The following MAGI1 variants were observed in gnomAD, a reference collection of about 807,000 sequenced individuals.
MAGI1 encodes the protein membrane associated guanylate kinase, WW and PDZ domain containing 1, also known as membrane-associated guanylate kinase, WW and PDZ domain-containing protein 1.
A neutral mutation model predicts 139.9 loss-of-function variants in MAGI1; 58 were observed. The observed-to-expected ratio is 0.41, with a 90% confidence interval of 0.34 to 0.52. MAGI1 has a LOEUF of 0.52. MAGI1 is among the 20% of genes least tolerant of loss of function. The pLI, the probability that MAGI1 is intolerant of heterozygous loss-of-function variation, is 0.12. For missense variants in MAGI1, 1,874 were observed against 1,901.6 expected (o/e 0.99, Z 0.27); for synonymous variants, 812 against 737.9 (o/e 1.10, Z -1.63).
chr3:65,959,917 T>C (rs1045388176), intron 1 of MAGI1, among the ~76,000 whole-genome samples: 2 of 144,736 alleles, frequency 1.4e-5, no homozygotes, highest in Admixed American at 1.4e-4. Context: ...ACCATTCTCC[T>C]GCCTCAGCCT....
intron 1 of MAGI1, among the ~76,000 whole-genome samples, chr3:65,746,775 T>G (rs1396327001): frequency 6.6e-6 from 1 of 152,194 alleles, no homozygotes; most frequent in Non-Finnish European, 1.5e-5. Flanking sequence ...AATAATTATA[T>G]TACTTTGTAC....
At chr3:65,360,420 A>C in intron 22 of MAGI1, 2 of 975,702 alleles carry the variant, frequency 2.0e-6, no homozygotes, top group Non-Finnish European at 2.4e-6. Flanking sequence ...ATCATATACA[A>C]TATTTTGCCA....
At chr3:65,514,103 A>C (rs2077737199) in intron 2 of MAGI1, among the ~76,000 whole-genome samples, 1 of 149,268 alleles carries the variant, frequency 6.7e-6, no homozygotes. Flanking sequence ...TTGGCTAGCC[A>C]TATGTAGAAA....
intron 1 of MAGI1, among the ~76,000 whole-genome samples, chr3:65,867,160 A>G (rs2059757831): frequency 6.6e-6 from 1 of 152,184 alleles, no homozygotes; most frequent in Admixed American, 6.5e-5. Flanking sequence ...TATCCAGAAT[A>G]CCTAGAAAGT....
chr3:65,764,697 C>G (rs1037844620), intron 1 of MAGI1, among the ~76,000 whole-genome samples: 2 of 151,332 alleles, frequency 1.3e-5, no homozygotes, highest in African/African-American at 4.9e-5. Flanking sequence ...TTTTCTTTTT[C>G]TTTTTTTTTC....
intron 2 of MAGI1, among the ~76,000 whole-genome samples, chr3:65,531,788 T>G (rs2078724659): frequency 6.6e-6 from 1 of 152,196 alleles, no homozygotes; most frequent in South Asian, 2.1e-4. Flanking sequence ...ATATTTCAGT[T>G]TCCCCATCCA....
intron 7 of MAGI1, 22 bp from the exon 8 acceptor site, chr3:65,442,871 A>G: frequency 6.2e-7 from 1 of 1,601,144 alleles, no homozygotes; most frequent in Non-Finnish European, 8.6e-7. Context: ...AAGAACATTT[A>G]GGGCAAGAAG....
chr3:65,363,313 A>G (rs1941079043), intron 21 of MAGI1, 152 bp downstream of exon 21: 1 of 882,244 alleles, frequency 1.1e-6, no homozygotes. Context: ...TTAGGCAGAA[A>G]TATTTGGTAG....
intron 1 of MAGI1, chr3:65,687,162 A>C (rs2107541250): frequency 6.4e-6 from 1 of 156,538 alleles, no homozygotes. Flanking sequence ...TGAGAGGCTG[A>C]GGCAGGAGGA....
chr3:65,653,015 A>G (rs1386266341), intron 1 of MAGI1, among the ~76,000 whole-genome samples: 1 of 152,146 alleles, frequency 6.6e-6, no homozygotes, highest in African/African-American at 2.4e-5. Context: ...CTACCAGGAG[A>G]GCTTATCCAG....
chr3:65,826,726 A>G (rs1319480744), intron 1 of MAGI1, among the ~76,000 whole-genome samples: 1 of 152,210 alleles, frequency 6.6e-6, no homozygotes, highest in Non-Finnish European at 1.5e-5. Context: ...CGCTTTTGCA[A>G]TTAGGATATG....
intron 1 of MAGI1, among the ~76,000 whole-genome samples, chr3:65,818,808 C>A (rs1306623874): frequency 6.6e-6 from 1 of 152,126 alleles, no homozygotes; most frequent in African/African-American, 2.4e-5. Flanking sequence ...CAGCCTTGCA[C>A]AGAGAAGACT....
intron 1 of MAGI1, among the ~76,000 whole-genome samples, chr3:65,669,704 T>C (rs1228154490): frequency 6.6e-6 from 1 of 152,200 alleles, no homozygotes; most frequent in African/African-American, 2.4e-5. Context: ...ATCCCACTTG[T>C]TTAAAATTGC....
chr3:65,515,074 C>G (rs1026923683), intron 2 of MAGI1, among the ~76,000 whole-genome samples: 1 of 139,908 alleles, frequency 7.1e-6, no homozygotes, highest in Admixed American at 7.4e-5. Context: ...AAACCAAACA[C>G]CACATATTCT....
chr3:65,979,041 A>G (rs1280365057), intron 1 of MAGI1, among the ~76,000 whole-genome samples: 1 of 151,600 alleles, frequency 6.6e-6, no homozygotes, highest in Non-Finnish European at 1.5e-5. Context: ...AAAATTCTGG[A>G]AAAAGAAGTC....
chr3:65,617,084 T>C (rs1392823921), intron 2 of MAGI1, among the ~76,000 whole-genome samples: 1 of 152,228 alleles, frequency 6.6e-6, no homozygotes, highest in Non-Finnish European at 1.5e-5. Context: ...ATCACCTATG[T>C]TTACCACATC....
intron 1 of MAGI1, among the ~76,000 whole-genome samples, chr3:65,848,485 C>A (rs1298665367): frequency 6.6e-6 from 1 of 151,914 alleles, no homozygotes; most frequent in Non-Finnish European, 1.5e-5. Flanking sequence ...AGCTGACAGG[C>A]AATCTTTAAT....
At chr3:65,550,871 TGAG>T (rs2079794103) in intron 2 of MAGI1, among the ~76,000 whole-genome samples, 1 of 151,936 alleles carries the variant, frequency 6.6e-6, no homozygotes, top group Non-Finnish European at 1.5e-5. Flanking sequence ...CTTGGGAGGC[TGAG>T]GTGAGAGGAT....
At chr3:65,992,261 T>C (rs1295635813) in intron 1 of MAGI1, among the ~76,000 whole-genome samples, 1 of 152,184 alleles carries the variant, frequency 6.6e-6, no homozygotes, top group Non-Finnish European at 1.5e-5. Context: ...TCTCCCTTTC[T>C]TGAATAACCC....
Sources: gnomAD v4.1 joint callset for allele counts (sites outside exome capture counted in the v4.1 genomes callset) on GRCh38, gnomAD v4.1.1 for gene constraint, MANE v1.5 for transcripts, NCBI Gene and HGNC (gene_info 2026-07-23, HGNC 2026-07-21) for gene names.